The following CNTN6 variants were observed in gnomAD, a reference collection of about 807,000 sequenced individuals.
The protein encoded by CNTN6 is contactin-6.
CNTN6 carries 137 observed loss-of-function variants against 122.8 expected under a neutral mutation model. That is an observed-to-expected ratio of 1.12 (90% CI 0.97 to 1.29). The LOEUF (loss-of-function observed/expected upper bound fraction) is 1.29. CNTN6 is among the 50% of genes most tolerant of loss of function. The probability of loss-of-function intolerance (pLI) is 0.00; values close to 1 mark genes in which losing one functional copy is unlikely to be tolerated. For synonymous variants in CNTN6, 570 were observed against 426.0 expected (o/e 1.34, Z -4.16); for missense variants, 1,634 against 1,223.4 (o/e 1.34, Z -5.01).
intron 14 of CNTN6, 23 bp from the exon 15 acceptor site, chr3:1,373,581 C>A: frequency 6.2e-7 from 1 of 1,607,196 alleles, no homozygotes; most frequent in Non-Finnish European, 8.5e-7. Flanking sequence ...CCAATGGAGT[C>A]ATGATAAAAC....
intron 4 of CNTN6, among the ~76,000 whole-genome samples, chr3:1,252,173 C>T (rs993075238): frequency 2.0e-5 from 3 of 152,180 alleles, no homozygotes; most frequent in African/African-American, 4.8e-5. Context: ...CATTGCCTAG[C>T]TTGCCTTTCC....
intron 4 of CNTN6, among the ~76,000 whole-genome samples, chr3:1,239,458 T>C (rs943072746): frequency 6.6e-6 from 1 of 151,978 alleles, no homozygotes; most frequent in Non-Finnish European, 1.5e-5. Flanking sequence ...TAGGAATATA[T>C]CTAATCAAGG....
chr3:1,228,750 A>C (rs1440356028), intron 4 of CNTN6, among the ~76,000 whole-genome samples: 1 of 152,204 alleles, frequency 6.6e-6, no homozygotes, highest in Non-Finnish European at 1.5e-5. Context: ...GTGAGCTGCT[A>C]TACCTGCAGG....
At chr3:1,195,994 C>T (rs2093771906) in intron 2 of CNTN6, among the ~76,000 whole-genome samples, 1 of 152,104 alleles carries the variant, frequency 6.6e-6, no homozygotes, top group African/African-American at 2.4e-5. Flanking sequence ...TGAAAAAGTG[C>T]TGTCTTTGTC....
At chr3:1,315,621 A>G (rs968710319) in intron 7 of CNTN6, among the ~76,000 whole-genome samples, 2 of 151,952 alleles carry the variant, frequency 1.3e-5, no homozygotes, top group African/African-American at 4.8e-5. Flanking sequence ...TATTATTTTA[A>G]AATATCTAAT....
chr3:1,127,333 A>G, intron 1 of CNTN6, among the ~76,000 whole-genome samples: 1 of 151,886 alleles, frequency 6.6e-6, no homozygotes, highest in East Asian at 1.9e-4. Flanking sequence ...GTATTACATA[A>G]TGGACAAAAG....
chr3:1,377,380 C>G (rs1481284273), intron 17 of CNTN6, among the ~76,000 whole-genome samples: 3 of 152,056 alleles, frequency 2.0e-5, no homozygotes, highest in Non-Finnish European at 4.4e-5. Context: ...TGATTTGTTA[C>G]CTGTGGCACT....
In CNTN6 at chr3:1,245,743, A is replaced by T. The variant is rs556633176; in HGVS notation, c.358+17750A>T. On this transcript the variant is annotated intron_variant, in intron 4 of 22. Coordinates refer to ENST00000446702, the MANE Select transcript of CNTN6 (RefSeq NM_001289080.2). ...TATTGGAACAATAAGAAAGCCAAAAACAAACAAATAAACAGCAAATACAAA... is the reference window on the plus strand; with the variant it reads ...TATTGGAACAATAAGAAAGCCAAAATCAAACAAATAAACAGCAAATACAAA... 2.6e-5 allele frequency among the ~76,000 whole-genome samples: 4 copies of T among 152,170 alleles called. No individual in the cohort carries two copies. The South Asian group carries it at 8.3e-4, about 32-fold the overall frequency.
At chr3:1,228,052 C>T in intron 4 of CNTN6, 59 bp downstream of exon 4, 1 of 1,490,346 alleles carries the variant, frequency 6.7e-7, no homozygotes, top group East Asian at 2.3e-5. Flanking sequence ...TCTTCTGATA[C>T]ACACATTTTA....
chr3:1,357,600 T>G (rs555245449), intron 12 of CNTN6, among the ~76,000 whole-genome samples: 3 of 151,852 alleles, frequency 2.0e-5, no homozygotes, highest in Non-Finnish European at 4.4e-5. Context: ...TGGCAGAACT[T>G]TAGCTTTCCT....
intron 7 of CNTN6, among the ~76,000 whole-genome samples, chr3:1,298,562 C>T (rs563895782): frequency 6.6e-6 from 1 of 152,120 alleles, no homozygotes; most frequent in Non-Finnish European, 1.5e-5. Context: ...TACTTTTAAG[C>T]CAGGAAAATA....
At chr3:1,181,972 T>C (rs1226219032) in intron 2 of CNTN6, among the ~76,000 whole-genome samples, 3 of 152,080 alleles carry the variant, frequency 2.0e-5, no homozygotes, top group Non-Finnish European at 4.4e-5. Context: ...ACCCCTATCC[T>C]CATACACTCA....
chr3:1,253,104 G>A (rs545675427), intron 4 of CNTN6, among the ~76,000 whole-genome samples: 2 of 152,178 alleles, frequency 1.3e-5, no homozygotes, highest in African/African-American at 4.8e-5. Flanking sequence ...TTTGCCAGCA[G>A]GCAAAGCCCC....
At position 1,340,352 on chromosome 3, in the gene CNTN6, G is replaced by A. The variant is rs1010780987; in HGVS notation, c.1364+10417G>A. ...AACTCTATCTTTATGTCACTAAAAG[G>A]TATAGAATAAGTCAACATGTTGTCC... is the stretch of plus-strand genomic sequence containing the variant. On this transcript the variant is annotated intron_variant, in intron 11 of 22. Coordinates refer to ENST00000446702, the MANE Select transcript of CNTN6 (RefSeq NM_001289080.2). Among the ~76,000 whole-genome samples the A allele has an allele frequency of 7.9e-5, 12 of 152,200 alleles. No individual in the cohort carries two copies. The South Asian group carries it at 2.1e-3, about 26-fold the overall frequency.
intron 20 of CNTN6, among the ~76,000 whole-genome samples, chr3:1,393,548 AAAG>A (rs758936486): frequency 3.1e-3 from 317 of 100,718 alleles, no homozygotes; most frequent in Admixed American, 3.9e-3. Flanking sequence ...CCTAAAACTT[AAAG>A]AAGTAAAAAA....
intron 1 of CNTN6, among the ~76,000 whole-genome samples, chr3:1,137,396 T>A (rs532834628): frequency 6.6e-6 from 1 of 152,318 alleles, no homozygotes; most frequent in African/African-American, 2.4e-5. Context: ...TATATGTAAT[T>A]TTCCAATTTT....
At chr3:1,317,931 G>C (rs1208108092) in intron 7 of CNTN6, among the ~76,000 whole-genome samples, 3 of 146,952 alleles carry the variant, frequency 2.0e-5, no homozygotes, top group Non-Finnish European at 4.5e-5. Flanking sequence ...TGCAGATTTA[G>C]AATCCAGGAC....
At chr3:1,119,407 T>G (rs1333083956) in intron 1 of CNTN6, among the ~76,000 whole-genome samples, 1 of 150,000 alleles carries the variant, frequency 6.7e-6, no homozygotes, top group Non-Finnish European at 1.5e-5. Flanking sequence ...TCTTAAAAAC[T>G]CTATGATTAC....
intron 1 of CNTN6, among the ~76,000 whole-genome samples, chr3:1,095,830 T>C (rs1315086700): frequency 7.2e-5 from 11 of 152,226 alleles, no homozygotes; most frequent in Admixed American, 7.2e-4. Context: ...ACTGAGTACA[T>C]ACATTCTGGC....
Sources: gnomAD v4.1 joint callset for allele counts (sites outside exome capture counted in the v4.1 genomes callset) on GRCh38, gnomAD v4.1.1 for gene constraint, MANE v1.5 for transcripts, NCBI Gene and HGNC (gene_info 2026-07-23, HGNC 2026-07-21) for gene names.